The following GRIA3 variants were observed in gnomAD, a reference collection of about 807,000 sequenced individuals.
GRIA3 encodes the protein glutamate receptor 3.
GRIA3 carries 3 observed loss-of-function variants against 63.0 expected under a neutral mutation model. That is an observed-to-expected ratio of 0.05 (90% CI 0.02 to 0.12). GRIA3 has a LOEUF of 0.12. GRIA3 is among the 10% of genes least tolerant of loss of function. The pLI, the probability that GRIA3 is intolerant of heterozygous loss-of-function variation, is 1.00. For missense variants in GRIA3, 347 were observed against 700.9 expected (o/e 0.50, Z 5.70); for synonymous variants, 274 against 257.9 (o/e 1.06, Z -0.60).
chrX:123,296,867 C>T (rs2044689452), intron 3 of GRIA3, among the ~76,000 whole-genome samples: 1 of 111,192 alleles, frequency 9.0e-6, no homozygotes, highest in Non-Finnish European at 1.9e-5. Context: ...TTAAATAAAG[C>T]CTTGTTAAAT....
At chrX:123,273,941 A>C (rs2044538844) in intron 3 of GRIA3, among the ~76,000 whole-genome samples, 1 of 111,916 alleles carries the variant, frequency 8.9e-6, no homozygotes, top group Non-Finnish European at 1.9e-5. Context: ...TTTTGACAGA[A>C]GCTTCTAAAA....
At chrX:123,311,514 T>C (rs745953223) in intron 3 of GRIA3, among the ~76,000 whole-genome samples, 30 of 112,381 alleles carry the variant, frequency 2.7e-4, no homozygotes, top group Non-Finnish European at 5.3e-4. Flanking sequence ...TCAAATTTTG[T>C]AACTAGGAAA....
intron 14 of GRIA3, among the ~76,000 whole-genome samples, chrX:123,480,745 T>C (rs1459585502): frequency 9.0e-6 from 1 of 111,662 alleles, no homozygotes; most frequent in Admixed American, 9.5e-5. Flanking sequence ...ATCTCGAATC[T>C]CATTAAGTCT....
At chrX:123,423,715 A>C (rs948223963) in intron 11 of GRIA3, among the ~76,000 whole-genome samples, 1 of 112,064 alleles carries the variant, frequency 8.9e-6, no homozygotes, top group Non-Finnish European at 1.9e-5. Flanking sequence ...AATGATAAAG[A>C]GTTTGTACAA....
chrX:123,362,726 AAG>A lies in GRIA3; in HGVS notation c.750+7783_750+7784del, dbSNP rs372381939. On this transcript the variant is annotated intron_variant, in intron 5 of 15. Transcript: ENST00000620443. The stretch of plus-strand genomic sequence containing the variant: ...AATGAAGCTGTTAGTAAAAAAAAAA[AAG>A]AGAGAGAGAGAGAGAGAGATCAGTG... Among the ~76,000 whole-genome samples the A allele has an allele frequency of 4.6e-3, 505 of 108,691 alleles. 5 individuals are homozygous for A. The highest frequency in any genetic ancestry group is 0.014 in the African/African-American group (413 of 29,966). The allele number at this position is 108,691 out of a possible 115,157, so 94.4% of individuals were successfully genotyped here.
rs772140857 is a variant in GRIA3 at position 123,417,661 on chromosome X, A to G, written c.1760A>G (p.Asn587Ser). 5 of 1,185,962 alleles carry G rather than the reference A, an allele frequency of 4.2e-6. No individual in the cohort carries two copies. The highest frequency in any genetic ancestry group is 1.9e-5 in the South Asian group (1 of 52,230). ...SPYEWHLEDN[N>S]EEPRDPQSPP... is the part of the protein sequence containing the mutation. ...TATGAATGGCACTTGGAAGACAACA[A>G]TGAAGAACCTCGTGACCCACAAAGT... The change falls in exon 11 of 16, where the codon AAT (asparagine) becomes AGT (serine). Residue 587 changes from asparagine to serine, a missense_variant. By Grantham distance (46) the Asn-to-Ser change is conservative. Coordinates refer to ENST00000620443, the MANE Select transcript of GRIA3 (RefSeq NM_007325.5).
At chrX:123,453,143 A>G (rs367921476) in intron 12 of GRIA3, among the ~76,000 whole-genome samples, 9 of 112,103 alleles carry the variant, frequency 8.0e-5, no homozygotes, top group African/African-American at 2.9e-4. Context: ...AACCAACCCA[A>G]ATGTCCATCA....
At chrX:123,335,712 T>A (rs897848072) in intron 4 of GRIA3, among the ~76,000 whole-genome samples, 3 of 111,239 alleles carry the variant, frequency 2.7e-5, no homozygotes, top group African/African-American at 9.8e-5. Context: ...AGATCTCCAA[T>A]TCATACTTTA....
chrX:123,318,374 T>A (rs2044846597), intron 3 of GRIA3, among the ~76,000 whole-genome samples: 1 of 112,390 alleles, frequency 8.9e-6, no homozygotes, highest in Admixed American at 9.4e-5. Flanking sequence ...GTCTACTGCA[T>A]CGTCAGGCTG....
chrX:123,389,899 A>AGG (rs2045375853), intron 5 of GRIA3, among the ~76,000 whole-genome samples: 1 of 110,306 alleles, frequency 9.1e-6, no homozygotes, highest in Non-Finnish European at 1.9e-5. Context: ...GTAGAGACGA[A>AGG]GTTTCACCAT....
intron 2 of GRIA3, among the ~76,000 whole-genome samples, chrX:123,245,754 G>A (rs1420752242): frequency 2.7e-5 from 3 of 112,037 alleles, no homozygotes; most frequent in Admixed American, 1.9e-4. Context: ...CAGTAGAGGA[G>A]TTGGAACAGA....
At chrX:123,303,931 G>T (rs2044738926) in intron 3 of GRIA3, among the ~76,000 whole-genome samples, 1 of 109,914 alleles carries the variant, frequency 9.1e-6, no homozygotes, top group South Asian at 3.9e-4. Flanking sequence ...GAGATTTTAG[G>T]AAAAAAAAAA....
chrX:123,356,997 A>G (rs1308628100), intron 5 of GRIA3, among the ~76,000 whole-genome samples: 5 of 111,826 alleles, frequency 4.5e-5, no homozygotes, highest in Non-Finnish European at 9.4e-5. Context: ...TCAGACCACA[A>G]TACAGGTCTA....
At position 123,320,065 on chromosome X, in the gene GRIA3, G is replaced by A. The variant is rs1052596196; in HGVS notation, c.509-5961G>A. Among the ~76,000 whole-genome samples, 4 of 111,764 alleles carry A rather than the reference G, an allele frequency of 3.6e-5. No homozygotes were observed. In the Admixed American group the frequency reaches 3.8e-4, roughly 11 times the overall value. ...GCAACCAGCATTGAAAGCCACAGAG[G>A]TAGGTGAAGACACAGAAAAGGAAAG... On this transcript the variant is annotated intron_variant, in intron 3 of 15. Coordinates refer to ENST00000620443, the MANE Select transcript of GRIA3 (RefSeq NM_007325.5).
intron 12 of GRIA3, among the ~76,000 whole-genome samples, chrX:123,462,909 T>C (rs1339172332): frequency 8.9e-6 from 1 of 111,736 alleles, no homozygotes; most frequent in Admixed American, 9.5e-5. Flanking sequence ...AGGACCTAGC[T>C]CCCAAGTCAA....
intron 11 of GRIA3, among the ~76,000 whole-genome samples, chrX:123,421,641 G>T (rs1038178472): frequency 4.5e-5 from 5 of 111,949 alleles, no homozygotes; most frequent in African/African-American, 1.6e-4. Context: ...AAGTATTAGA[G>T]CAGGAGAAAA....
chrX:123,230,213 T>A (rs1603037849), intron 2 of GRIA3, among the ~76,000 whole-genome samples: 1 of 111,872 alleles, frequency 8.9e-6, no homozygotes, highest in East Asian at 2.8e-4. Context: ...TGCTCCCATG[T>A]TGAACATTAG....
intron 3 of GRIA3, among the ~76,000 whole-genome samples, chrX:123,300,506 TCTGA>T (rs1346666418): frequency 4.6e-5 from 5 of 108,338 alleles, no homozygotes; most frequent in Non-Finnish European, 5.8e-5. Context: ...TTTATGCATT[TCTGA>T]CTGTTTATTT....
At position 123,404,779 on chromosome X, in the gene GRIA3, T is replaced by C; in HGVS notation, c.1365T>C (p.Cys455=). 8.3e-7 allele frequency: 1 copy of C among 1,198,171 alleles called. No individual in the cohort carries two copies. The highest frequency in any genetic ancestry group is 3.0e-5 in the East Asian group (1 of 33,781). The change falls in exon 10 of 16, where the codon TGT becomes TGC. Residue 455 remains cysteine (C), a synonymous_variant. Coordinates refer to ENST00000620443, the MANE Select transcript of GRIA3 (RefSeq NM_007325.5). ...GAAATGAACGATATGAAGGCTATTGTGTAGACCTAGCCTATGAAATAGCCA... is the reference window on the plus strand; with the variant it reads ...GAAATGAACGATATGAAGGCTATTGCGTAGACCTAGCCTATGAAATAGCCA... ...LEGNERYEGY[C]VDLAYEIAKH...
Sources: gnomAD v4.1 joint callset for allele counts (sites outside exome capture counted in the v4.1 genomes callset) on GRCh38, gnomAD v4.1.1 for gene constraint, MANE v1.5 for transcripts, NCBI Gene and HGNC (gene_info 2026-07-23, HGNC 2026-07-21) for gene names.